AKAP9: variants seen among roughly 807,000 people sequenced by gnomAD.
AKAP9 encodes A-kinase anchoring protein 9.
In AKAP9, 311 loss-of-function variants were observed where a neutral mutation model predicts 488.5. The observed-to-expected ratio is 0.64, with a 90% CI of 0.58 to 0.70. The LOEUF (loss-of-function observed/expected upper bound fraction) is 0.70, where lower values mean the gene tolerates loss of function less well. Among genes scored for constraint, AKAP9 ranks in the 30% least tolerant of loss-of-function variants. AKAP9 has a pLI of 0.00. For synonymous variants in AKAP9, 1,462 were observed against 1,483.5 expected (o/e 0.99, Z 0.33); for missense variants, 4,215 against 4,374.5 (o/e 0.96, Z 1.03).
chr7:92,087,664 A>C (rs1307153562), intron 37 of AKAP9, among the ~76,000 whole-genome samples: 1 of 152,054 alleles, frequency 6.6e-6, no homozygotes, highest in Admixed American at 6.6e-5. Context: ...GGGATGGACC[A>C]GGGAAAGTAT....
intron 2 of AKAP9, among the ~76,000 whole-genome samples, chr7:91,978,932 A>ATTTTT (rs34097770): frequency 3.3e-5 from 3 of 90,380 alleles, no homozygotes; most frequent in Non-Finnish European, 4.3e-5. Context: ...TAGTTTTTGT[A>ATTTTT]TTTTTTTTTT....
rs1323910439 is a variant in AKAP9 at position 92,095,005 on chromosome 7, T to C, written c.9579-18T>C. On this transcript the variant is annotated intron_variant, in intron 39 of 49. Transcript: ENST00000356239. ...GTCAACATAGCTTTATGGAAATTCA[T>C]TTGTCTTTCTGACTTAGGTTGGAAG... 6.2e-7 allele frequency: 1 copy of C among 1,613,072 alleles called. No homozygotes were observed. Among genetic ancestry groups the C allele is most frequent in the Non-Finnish European group, 8.5e-7 (1 of 1,179,210 alleles).
intron 8 of AKAP9, among the ~76,000 whole-genome samples, chr7:92,003,514 A>T (rs996183183): frequency 2.0e-5 from 3 of 152,088 alleles, no homozygotes. Flanking sequence ...AAGAGTTTGT[A>T]TAACTTTATG....
chr7:92,002,748 A>G lies in AKAP9; in HGVS notation c.2831A>G (p.Lys944Arg), dbSNP rs1799325648. 1 of 1,613,552 alleles carries G rather than the reference A, an allele frequency of 6.2e-7. No homozygotes were observed. ...VEKDTTELME[K>R]LEVTKREKLE... ...AAGGATACAACAGAACTCATGGAAA[A>G]ACTTGAGGTAACCAAGCGAGAGAAA... The change falls in exon 8 of 50, where the codon AAA (lysine) becomes AGA (arginine). Residue 944 changes from lysine (K) to arginine (R), a missense_variant. This residue lies in a region of AKAP9 where 2,361 missense variants were observed against 2,430.0 expected (regional missense o/e 0.97). Transcript: ENST00000356239.
At position 92,079,202 on chromosome 7, in the gene AKAP9, G is replaced by T; in HGVS notation, c.7069G>T (p.Glu2357Ter). 6.2e-7 allele frequency: 1 copy of T among 1,613,952 alleles called. No individual in the cohort carries two copies. Among genetic ancestry groups the T allele is most frequent in the South Asian group, 1.1e-5 (1 of 91,028 alleles). The change falls in exon 31 of 50, where the codon GAA (glutamate) becomes TAA (stop). Residue 2357 changes from glutamate (E) to a stop codon, truncating the protein, a stop_gained. Transcript: ENST00000356239. LOFTEE classifies it high-confidence loss of function. ...EEIEQLNEVI[E>*]KLQQELANIG... is the part of the protein sequence containing the mutation. ...AATAGAGCAGCTCAATGAAGTGATTGAAAAACTTCAACAGGAATTGGCAAA... is the reference window on the plus strand; with the variant it reads ...AATAGAGCAGCTCAATGAAGTGATTTAAAAACTTCAACAGGAATTGGCAAA...
chr7:92,079,395 T>G lies in AKAP9; in HGVS notation c.7262T>G (p.Phe2421Cys), dbSNP rs1813141865. The G allele has an allele frequency of 6.2e-7, 1 of 1,614,042 alleles. No homozygotes were observed. ...FMKNVLKETN[F>C]KMNQLTQELF... ...AAAAATGTACTTAAAGAAACCAATT[T>G]TAAAATGAATCAGCTAACACAGGAA... Residue 2421 changes from phenylalanine (F) to cysteine (C), a missense_variant, in exon 31 of 50, where the codon TTT becomes TGT. This residue lies in a region of AKAP9 where 1,476 missense variants were observed against 1,477.4 expected (regional missense o/e 1.00). Coordinates refer to ENST00000356239, the MANE Select transcript of AKAP9 (RefSeq NM_005751.5).
chr7:92,105,818 C>T, intron 47 of AKAP9, 55 bp downstream of exon 47: 1 of 1,442,998 alleles, frequency 6.9e-7, no homozygotes, highest in African/African-American at 1.4e-5. Flanking sequence ...ATCAGAGGTC[C>T]CCCACCCCCA....
intron 16 of AKAP9, among the ~76,000 whole-genome samples, chr7:92,032,802 A>T (rs1322869466): frequency 6.6e-6 from 1 of 152,278 alleles, no homozygotes; most frequent in Admixed American, 6.5e-5. Flanking sequence ...TCTTGGAGGA[A>T]TGCAAATTTT....
intron 12 of AKAP9, among the ~76,000 whole-genome samples, chr7:92,018,161 G>C (rs1298610599): frequency 6.6e-6 from 1 of 152,084 alleles, no homozygotes; most frequent in Non-Finnish European, 1.5e-5. Flanking sequence ...GTAGGAATCA[G>C]GGCCCAGTGT....
At chr7:92,092,976 AT>A (rs1419097885) in intron 38 of AKAP9, 120 bp from the exon 39 acceptor site, 30 of 873,150 alleles carry the variant, frequency 3.4e-5, no homozygotes, top group Non-Finnish European at 5.3e-5. Flanking sequence ...TGGGACTATA[AT>A]TTTTCATGTT....
intron 15 of AKAP9, among the ~76,000 whole-genome samples, chr7:92,030,354 G>T (rs897902201): frequency 1.3e-5 from 2 of 152,122 alleles, no homozygotes; most frequent in African/African-American, 2.4e-5. Context: ...CTAGAAAAGT[G>T]TTTAGGGGCC....
Position 92,084,399 on chromosome 7 carries a change from T to G in AKAP9, c.8647-241T>G, listed in dbSNP as rs368626545. ...TTCCATTGCATAGAGTTAAATAATA[T>G]ATGATGTTCCTGTATGGATTTGGAA... On this transcript the variant is annotated intron_variant, in intron 33 of 49. Coordinates refer to ENST00000356239, the MANE Select transcript of AKAP9 (RefSeq NM_005751.5). Among the ~76,000 whole-genome samples the G allele has an allele frequency of 3.0e-4, 45 of 152,262 alleles. No individual in the cohort carries two copies. The East Asian group carries it at 8.5e-3, about 29-fold the overall frequency.
chr7:92,098,463 C>G (rs917259087), intron 43 of AKAP9, among the ~76,000 whole-genome samples: 3 of 152,132 alleles, frequency 2.0e-5, no homozygotes, highest in African/African-American at 7.2e-5. Flanking sequence ...TGGAGACAAG[C>G]TTCCTGAAAG....
In AKAP9 at chr7:92,043,442, C is replaced by T. The variant is rs1317752217; in HGVS notation, c.5162+671C>T. On this transcript the variant is annotated intron_variant, in intron 20 of 49. Coordinates refer to ENST00000356239, the MANE Select transcript of AKAP9 (RefSeq NM_005751.5). ...ACTTTGTTTATTTTATATTATTTAT[C>T]TCTAATTGGTAAATTTTGAAAACTA... The T allele has an allele frequency of 1.1e-5, 7 of 645,924 alleles. No individual in the cohort carries two copies. The Admixed American group carries it at 1.9e-4, about 17-fold the overall frequency. 40.0% of individuals were successfully genotyped at this position (645,924 alleles called of 1,614,324 possible). A position where few individuals can be genotyped will look rare whatever the true frequency, so the allele number is the denominator to read the frequency against.
chr7:92,105,642 A>T (rs1439427565), intron 46 of AKAP9, 36 bp from the exon 47 acceptor site: 5 of 1,443,658 alleles, frequency 3.5e-6, no homozygotes, highest in African/African-American at 1.4e-5. Flanking sequence ...CTGTTTATAG[A>T]TGGGCTGTGA....
At chr7:91,962,357 A>AG (rs1286551838) in intron 1 of AKAP9, among the ~76,000 whole-genome samples, 1 of 152,082 alleles carries the variant, frequency 6.6e-6, no homozygotes, top group Non-Finnish European at 1.5e-5. Flanking sequence ...CTTTTGGTGG[A>AG]GGAGGGAGAT....
At chr7:92,044,927 G>T in intron 20 of AKAP9, 81 bp from the exon 21 acceptor site, 1 of 1,066,368 alleles carries the variant, frequency 9.4e-7, no homozygotes, top group South Asian at 1.3e-5. Flanking sequence ...ATATTTTGCA[G>T]TGTACTTTTT....
At chr7:92,022,086 G>T (rs1160427628) in intron 12 of AKAP9, 152 bp from the exon 13 acceptor site, 3 of 681,102 alleles carry the variant, frequency 4.4e-6, no homozygotes, top group African/African-American at 3.6e-5. Flanking sequence ...AGAGAACAGG[G>T]AATAACTTAG....
chr7:92,070,909 A>C lies in AKAP9; in HGVS notation c.6512A>C (p.Glu2171Ala), dbSNP rs770085450. ...LVSADTFQKV[E>A]DRKHFGAVEA... Reference sequence around the variant, plus strand: ...AAAATTTTTATATATTTAAAGGTAGAGGACCGAAAACACTTTGGAGCTGTA... The same window carrying C: ...AAAATTTTTATATATTTAAAGGTAGCGGACCGAAAACACTTTGGAGCTGTA... The change falls in exon 28 of 50, where the codon GAG becomes GCG. Residue 2171 changes from glutamate (E) to alanine (A), a missense_variant. Physicochemically the swap from Glu to Ala is moderately radical, Grantham distance 107 (BLOSUM62 -1). Coordinates refer to ENST00000356239, the MANE Select transcript of AKAP9 (RefSeq NM_005751.5). 1 of 1,609,630 alleles carries C rather than the reference A, an allele frequency of 6.2e-7. No homozygotes were observed. Among genetic ancestry groups the C allele is most frequent in the Admixed American group, 1.7e-5 (1 of 59,950 alleles).
Sources: allele counts gnomAD v4.1 joint callset (sites outside exome capture counted in the v4.1 genomes callset), GRCh38; gene constraint gnomAD v4.1.1; regional missense constraint gnomAD v4.1.1; transcripts MANE v1.5; gene names NCBI Gene and HGNC (gene_info 2026-07-23, HGNC 2026-07-21).